MRC2: variants seen among roughly 807,000 people sequenced by gnomAD.
The protein encoded by MRC2 is C-type mannose receptor 2.
In MRC2, 84 loss-of-function variants were observed where a neutral mutation model predicts 206.2. The observed-to-expected ratio is 0.41, with a 90% confidence interval of 0.34 to 0.49. The LOEUF (loss-of-function observed/expected upper bound fraction) is 0.49. MRC2 is among the 20% of genes least tolerant of loss of function. The pLI is 0.31. For missense variants in MRC2, 1,676 were observed against 2,001.5 expected (o/e 0.84, Z 3.10); for synonymous variants, 798 against 800.0 (o/e 1.00, Z 0.04).
At chr17:62,632,954 C>A (rs181626237) in intron 1 of MRC2, among the ~76,000 whole-genome samples, 1 of 152,126 alleles carries the variant, frequency 6.6e-6, no homozygotes, top group African/African-American at 2.4e-5. Flanking sequence ...GGCAGTGTTT[C>A]CCCCCGTCAG....
intron 20 of MRC2, among the ~76,000 whole-genome samples, chr17:62,686,039 G>C (rs12386061): frequency 0.31 from 46,651 of 152,100 alleles, 8,749 homozygotes; most frequent in Non-Finnish European, 0.41. Flanking sequence ...TGTACTAGGG[G>C]AGGGGAGGGA....
At position 62,692,285 on chromosome 17, in the gene MRC2, T is replaced by C; in HGVS notation, c.4274T>C (p.Leu1425Pro). 1.2e-6 allele frequency: 2 copies of C among 1,601,438 alleles called. No homozygotes were observed. Among genetic ancestry groups the C allele is most frequent in the Non-Finnish European group, 1.7e-6 (2 of 1,174,198 alleles). The part of the protein sequence containing the change: ...LVVVLMAVLL[L>P]LALLTAALIL... ...GTGGTGCTGATGGCGGTGCTGCTGC[T>C]CCTGGCCTTGCTGACCGCAGCCCTC... Residue 1425 changes from leucine to proline, a missense_variant, in exon 30 of 30, where the codon CTC becomes CCC. Physicochemically the swap from Leu to Pro is moderately conservative, Grantham distance 98. This residue lies in a region of MRC2 where 1,354 missense variants were observed against 1,636.6 expected (regional missense o/e 0.83). Coordinates refer to ENST00000303375, the MANE Select transcript of MRC2 (RefSeq NM_006039.5). The surrounding 1 kb of genome is among the most constrained non-coding windows in gnomAD (Gnocchi z 4.2).
intron 20 of MRC2, among the ~76,000 whole-genome samples, chr17:62,685,228 T>C (rs1426479152): frequency 6.6e-6 from 1 of 152,166 alleles, no homozygotes; most frequent in Non-Finnish European, 1.5e-5. Context: ...ATTAAAACTT[T>C]GGAAAATACA....
In MRC2 at chr17:62,675,682, G is replaced by A. The variant is rs1048792180; in HGVS notation, c.1570-108G>A. 8 of 855,222 alleles carry A rather than the reference G, an allele frequency of 9.4e-6. No individual in the cohort carries two copies. Among genetic ancestry groups the A allele is most frequent in the Non-Finnish European group, 1.6e-5 (8 of 511,136 alleles). 53.0% of individuals were successfully genotyped at this position (855,222 alleles called of 1,614,324 possible). A position where few individuals can be genotyped will look rare whatever the true frequency, so the allele number is the denominator to read the frequency against. ...CTCAAACCAGTCCCCTCCGTCCTGA[G>A]CACGTTCAGTGATGTCCCTGATGGC... On this transcript the variant is annotated intron_variant, in intron 9 of 29. Transcript: ENST00000303375. The surrounding 1 kb of genome is among the most constrained non-coding windows in gnomAD (Gnocchi z 4.1).
chr17:62,673,489 T>C (rs546016385), intron 8 of MRC2, among the ~76,000 whole-genome samples: 3 of 150,234 alleles, frequency 2.0e-5, no homozygotes, highest in South Asian at 2.1e-4. Context: ...TTATCAATAA[T>C]GTAAAAGGAC....
At chr17:62,676,777 C>T (rs1453131861) in intron 11 of MRC2, among the ~76,000 whole-genome samples, 1 of 152,222 alleles carries the variant, frequency 6.6e-6, no homozygotes, top group Non-Finnish European at 1.5e-5. Flanking sequence ...ATCCTTTCCT[C>T]ATAGGGATGA....
In MRC2 at chr17:62,671,977, C is replaced by A. The variant is rs1168521324; in HGVS notation, c.1307-21C>A. 1 of 1,614,124 alleles carries A rather than the reference C, an allele frequency of 6.2e-7. No homozygotes were observed. On this transcript the variant is annotated intron_variant, in intron 7 of 29. Transcript: ENST00000303375. This position sits in a 1 kb window ranked among gnomAD's most constrained non-coding sequence, Gnocchi z 4.5. The stretch of plus-strand genomic sequence containing the variant: ...GACCTCTCAATGTTTTCTCTCCCCT[C>A]CTCTCCTGCTGCACCCCCAGAGGTG...
chr17:62,649,111 G>C (rs182165922), intron 1 of MRC2, among the ~76,000 whole-genome samples: 120 of 152,334 alleles, frequency 7.9e-4, no homozygotes, highest in Non-Finnish European at 1.3e-3. Flanking sequence ...GCAGAGGTGC[G>C]AACCTGGGTA....
intron 1 of MRC2, among the ~76,000 whole-genome samples, chr17:62,648,424 G>A (rs966563614): frequency 6.6e-6 from 1 of 152,132 alleles, no homozygotes; most frequent in African/African-American, 2.4e-5. Flanking sequence ...GGGTGTGGGC[G>A]CTGCCCCACC....
chr17:62,637,073 A>G (rs2088331612), intron 1 of MRC2, among the ~76,000 whole-genome samples: 1 of 151,756 alleles, frequency 6.6e-6, no homozygotes, highest in Non-Finnish European at 1.5e-5. Context: ...TTCTGAATTT[A>G]GAATTTCTGC....
chr17:62,635,288 T>C (rs2088300328), intron 1 of MRC2, among the ~76,000 whole-genome samples: 1 of 150,394 alleles, frequency 6.6e-6, no homozygotes, highest in Non-Finnish European at 1.5e-5. Context: ...AAAGTAATCA[T>C]AGTTTTTCTG....
chr17:62,635,788 A>ATTT (rs766181711), intron 1 of MRC2, among the ~76,000 whole-genome samples: 1 of 143,206 alleles, frequency 7.0e-6, no homozygotes, highest in Non-Finnish European at 1.5e-5. Flanking sequence ...TGTGTCTAGA[A>ATTT]TTTTTTTTTT....
intron 19 of MRC2, 96 bp from the exon 20 acceptor site, chr17:62,682,139 C>T (rs1598994345): frequency 7.4e-7 from 1 of 1,345,156 alleles, no homozygotes; most frequent in East Asian, 2.5e-5. Context: ...AGCCTCTGCC[C>T]AGACTCCTCT....
rs190254649 is a variant in MRC2 at position 62,653,057 on chromosome 17, C to T, written c.119-11491C>T. 4.8e-3 allele frequency among the ~76,000 whole-genome samples: 733 copies of T among 152,170 alleles called. 2 individuals carry two copies. Among genetic ancestry groups the T allele is most frequent in the Non-Finnish European group, 7.0e-3 (478 of 67,986 alleles). ...CCCGGGATGCTCGGACTCTGGGGAT[C>T]CAGGCCTGGTGACCCCCGGTGAGGA... is the stretch of plus-strand genomic sequence containing the variant. On this transcript the variant is annotated intron_variant, in intron 1 of 29. Transcript: ENST00000303375.
At chr17:62,643,813 A>G (rs185941179) in intron 1 of MRC2, among the ~76,000 whole-genome samples, 24 of 152,330 alleles carry the variant, frequency 1.6e-4, no homozygotes, top group Admixed American at 1.6e-3. Context: ...ATGAAACGTG[A>G]TATTATATCA....
rs1185239119 is a variant in MRC2, at chr17:62,664,476, C to T, written c.119-72C>T. ...CACTGGGCACATGGTAGGTGCCTGT[C>T]AGCCACACCGGTCATCAAGGGCCAA... On this transcript the variant is annotated intron_variant, in intron 1 of 29. Coordinates refer to ENST00000303375, the MANE Select transcript of MRC2 (RefSeq NM_006039.5). This position sits in a 1 kb window ranked among gnomAD's most constrained non-coding sequence, Gnocchi z 4.7. 3 of 1,510,182 alleles carry T rather than the reference C, an allele frequency of 2.0e-6. No homozygotes were observed. The highest frequency in any genetic ancestry group is 2.7e-6 in the Non-Finnish European group (3 of 1,119,766). 93.5% of individuals were successfully genotyped at this position (1,510,182 alleles called of 1,614,324 possible). A position where few individuals can be genotyped will look rare whatever the true frequency, so the allele number is the denominator to read the frequency against.
intron 6 of MRC2, among the ~76,000 whole-genome samples, chr17:62,670,052 C>T (rs926399366): frequency 3.3e-5 from 5 of 152,226 alleles, no homozygotes; most frequent in Admixed American, 6.5e-5. Context: ...CATGCCTAGC[C>T]TATCTGTGGC....
chr17:62,635,085 C>A (rs949240635), intron 1 of MRC2, among the ~76,000 whole-genome samples: 1 of 151,936 alleles, frequency 6.6e-6, no homozygotes, highest in African/African-American at 2.4e-5. Flanking sequence ...CCCGCCTTGG[C>A]CTCCCAAAGT....
chr17:62,688,767 C>T (rs1274303087), intron 22 of MRC2, 85 bp from the exon 23 acceptor site: 60 of 1,589,204 alleles, frequency 3.8e-5, no homozygotes, highest in Non-Finnish European at 6.0e-6. Flanking sequence ...TTCTTCCAGC[C>T]TCTTTGCTCA....
Sources: gnomAD v4.1 joint callset for allele counts (sites outside exome capture counted in the v4.1 genomes callset) on GRCh38, gnomAD v4.1.1 for gene constraint, gnomAD v4.1.1 regional missense constraint, Gnocchi (gnomAD v3.1) non-coding constraint, MANE v1.5 for transcripts, NCBI Gene and HGNC (gene_info 2026-07-23, HGNC 2026-07-21) for gene names.